SH3GL3: variants seen among roughly 807,000 people sequenced by gnomAD.
SH3GL3 encodes the protein SH3 domain containing GRB2 like 3, endophilin A3.
In SH3GL3, 33 loss-of-function variants were observed where a neutral mutation model predicts 47.7. That is an observed-to-expected ratio of 0.69 (90% confidence interval 0.52 to 0.92). The LOEUF (loss-of-function observed/expected upper bound fraction) is 0.92, where lower values mean the gene tolerates loss of function less well. Ranked by LOEUF, SH3GL3 falls within the 40% of genes least tolerant of loss-of-function variation. The pLI is 0.00. For synonymous variants in SH3GL3, 155 were observed against 148.8 expected, an observed-to-expected ratio of 1.04 and a Z score of -0.30; for missense variants, 363 against 417.8, an observed-to-expected ratio of 0.87 and a Z score of 1.14.
chr15:83,599,843 C>A (rs117311443), intron 8 of SH3GL3, among the ~76,000 whole-genome samples: 1 of 152,084 alleles, frequency 6.6e-6, no homozygotes, highest in East Asian at 1.9e-4. Flanking sequence ...CACCCATCCA[C>A]GCCAACATCT....
chr15:83,530,985 A>T (rs921313083), intron 1 of SH3GL3, among the ~76,000 whole-genome samples: 2 of 152,200 alleles, frequency 1.3e-5, no homozygotes, highest in African/African-American at 4.8e-5. Context: ...AAGCAAAACA[A>T]TATTATCATG....
chr15:83,489,582 T>C (rs2041771222), intron 1 of SH3GL3, among the ~76,000 whole-genome samples: 1 of 152,222 alleles, frequency 6.6e-6, no homozygotes, highest in African/African-American at 2.4e-5. Context: ...AATGTAAAGA[T>C]CCTTTCGTAT....
chr15:83,481,961 G>T (rs1450784423), intron 1 of SH3GL3, among the ~76,000 whole-genome samples: 1 of 152,156 alleles, frequency 6.6e-6, no homozygotes, highest in African/African-American at 2.4e-5. Flanking sequence ...AAAGAGGGGG[G>T]AGTCATTTCC....
intron 1 of SH3GL3, among the ~76,000 whole-genome samples, chr15:83,483,460 A>G (rs1252822502): frequency 2.0e-5 from 3 of 152,320 alleles, no homozygotes; most frequent in Middle Eastern, 6.8e-3. Context: ...TAATTAAAAC[A>G]TAAATTTAAA....
intron 6 of SH3GL3, among the ~76,000 whole-genome samples, chr15:83,585,685 TA>T (rs1247497673): frequency 6.6e-6 from 1 of 152,226 alleles, no homozygotes; most frequent in Admixed American, 6.5e-5. Flanking sequence ...TTGTTTTGTT[TA>T]TTGGGTTTTT....
intron 1 of SH3GL3, among the ~76,000 whole-genome samples, chr15:83,476,854 G>A (rs2041121611): frequency 6.6e-6 from 1 of 152,238 alleles, no homozygotes; most frequent in Non-Finnish European, 1.5e-5. Context: ...GGCAATTGAA[G>A]TATGGCGGTA....
chr15:83,528,349 A>G (rs746805602), intron 1 of SH3GL3, among the ~76,000 whole-genome samples: 1 of 152,108 alleles, frequency 6.6e-6, no homozygotes, highest in African/African-American at 2.4e-5. Flanking sequence ...CTCTTGCTAG[A>G]CTTGGGAAGT....
At chr15:83,552,385 G>A (rs2044708324) in intron 1 of SH3GL3, among the ~76,000 whole-genome samples, 1 of 151,798 alleles carries the variant, frequency 6.6e-6, no homozygotes, top group African/African-American at 2.4e-5. Context: ...ATTTCTATTG[G>A]GGTTTTCTTT....
the SH3GL3 span, among the ~76,000 whole-genome samples, chr15:83,627,396 C>CAAAAAAAAAA: frequency 2.7e-5 from 2 of 75,346 alleles, no homozygotes; most frequent in Non-Finnish European, 2.7e-5. Flanking sequence ...GATGCCGTCT[C>CAAAAAAAAAA]AAAAAAAAAA....
intron 1 of SH3GL3, among the ~76,000 whole-genome samples, chr15:83,505,388 G>A (rs2042456755): frequency 1.3e-5 from 2 of 151,876 alleles, no homozygotes; most frequent in Non-Finnish European, 1.5e-5. Context: ...GCCAATCCGT[G>A]GTATTATTGG....
At chr15:83,567,935 T>A (rs1405954816) in intron 3 of SH3GL3, among the ~76,000 whole-genome samples, 2 of 151,752 alleles carry the variant, frequency 1.3e-5, no homozygotes, top group South Asian at 4.2e-4. Context: ...TTATTTCAAG[T>A]CAGCAATGTG....
At chr15:83,486,387 A>G (rs2041597199) in intron 1 of SH3GL3, among the ~76,000 whole-genome samples, 1 of 152,178 alleles carries the variant, frequency 6.6e-6, no homozygotes, top group East Asian at 1.9e-4. Context: ...CCCTTTAAGC[A>G]GTTACTCCTC....
intron 6 of SH3GL3, among the ~76,000 whole-genome samples, chr15:83,585,739 A>T (rs184840343): frequency 6.6e-6 from 1 of 152,362 alleles, no homozygotes; most frequent in East Asian, 1.9e-4. Context: ...GCCACAGAGC[A>T]TGGTAAAGTA....
chr15:83,618,265 T>G lies in SH3GL3; in HGVS notation c.1022T>G (p.Val341Gly). The G allele has an allele frequency of 6.2e-7, 1 of 1,608,300 alleles. No individual in the cohort carries two copies. Among genetic ancestry groups the G allele is most frequent in the Non-Finnish European group, 8.5e-7 (1 of 1,174,640 alleles). The change falls in exon 9 of 9, where the codon GTG (valine) becomes GGG (glycine). Residue 341 changes from valine (V) to glycine (G), a missense_variant. Coordinates refer to ENST00000427482, the MANE Select transcript of SH3GL3 (RefSeq NM_003027.5). ...TTCTTCCCCATTAATTACGTGGAAGTGATCGTGCCTTTACCTCAGTAAATG... is the reference window on the plus strand; with the variant it reads ...TTCTTCCCCATTAATTACGTGGAAGGGATCGTGCCTTTACCTCAGTAAATG... ...SGFFPINYVE[V>G]IVPLPQ
At chr15:83,508,259 C>T (rs757755342) in intron 1 of SH3GL3, among the ~76,000 whole-genome samples, 5 of 151,890 alleles carry the variant, frequency 3.3e-5, no homozygotes, top group African/African-American at 7.3e-5. Context: ...TTTTAAATAC[C>T]GTGGTCACCA....
At chr15:83,617,464 G>C (rs1446053498) in intron 8 of SH3GL3, among the ~76,000 whole-genome samples, 14 of 152,146 alleles carry the variant, frequency 9.2e-5, no homozygotes, top group African/African-American at 3.4e-4. Context: ...ATCACTTAAG[G>C]CCAGGAGTTC....
intron 1 of SH3GL3, among the ~76,000 whole-genome samples, chr15:83,538,211 T>G (rs2044008142): frequency 6.6e-6 from 1 of 152,192 alleles, no homozygotes; most frequent in African/African-American, 2.4e-5. Flanking sequence ...TTGTCAGACA[T>G]GAACATTATT....
chr15:83,586,381 C>A (rs1333911714), intron 6 of SH3GL3, among the ~76,000 whole-genome samples: 2 of 152,148 alleles, frequency 1.3e-5, no homozygotes, highest in Non-Finnish European at 2.9e-5. Context: ...AACAGAGATG[C>A]CAGTGTCTTT....
At chr15:83,535,943 G>C (rs932572017) in intron 1 of SH3GL3, among the ~76,000 whole-genome samples, 16 of 152,166 alleles carry the variant, frequency 1.1e-4, no homozygotes, top group African/African-American at 3.9e-4. Context: ...CTAGAGAAGG[G>C]CATTGCCCAA....
Sources: allele counts gnomAD v4.1 joint callset (sites outside exome capture counted in the v4.1 genomes callset), GRCh38; gene constraint gnomAD v4.1.1; transcripts MANE v1.5; gene names NCBI Gene and HGNC (gene_info 2026-07-23, HGNC 2026-07-21).